The following NLGN1 variants were observed in gnomAD, a reference collection of about 807,000 sequenced individuals.
The protein encoded by NLGN1 is neuroligin 1, also known as neuroligin-1.
A neutral mutation model predicts 65.5 loss-of-function variants in NLGN1; 12 were observed. That is an observed-to-expected ratio of 0.18 (90% CI 0.12 to 0.30). The LOEUF is 0.30. Among genes scored for constraint, NLGN1 ranks in the 10% least tolerant of loss-of-function variants. The pLI is 1.00. For missense variants in NLGN1, 750 were observed against 1,007.1 expected (o/e 0.74, Z 3.46); for synonymous variants, 350 against 359.5 (o/e 0.97, Z 0.30).
At chr3:173,713,083 A>G (rs181822636) in intron 3 of NLGN1, among the ~76,000 whole-genome samples, 2 of 152,276 alleles carry the variant, frequency 1.3e-5, no homozygotes, top group African/African-American at 4.8e-5. Flanking sequence ...ATTACTTTAA[A>G]CAAGGTTGCA....
intron 4 of NLGN1, among the ~76,000 whole-genome samples, chr3:174,066,903 T>C (rs1242500234): frequency 6.6e-6 from 1 of 152,094 alleles, no homozygotes; most frequent in Non-Finnish European, 1.5e-5. Flanking sequence ...CTTCAAATAT[T>C]CTCAATGAAA....
At chr3:173,643,102 C>A (rs1757670622) in intron 3 of NLGN1, among the ~76,000 whole-genome samples, 2 of 152,062 alleles carry the variant, frequency 1.3e-5, no homozygotes, top group African/African-American at 4.8e-5. Flanking sequence ...TTTGAAGACA[C>A]AGCAATAGAA....
chr3:173,964,576 G>T (rs1714371569), intron 4 of NLGN1, among the ~76,000 whole-genome samples: 1 of 152,122 alleles, frequency 6.6e-6, no homozygotes, highest in Non-Finnish European at 1.5e-5. Flanking sequence ...CCTGAGTATT[G>T]AATTCACCTT....
intron 2 of NLGN1, among the ~76,000 whole-genome samples, chr3:173,545,736 CAT>C (rs1169722397): frequency 6.6e-6 from 1 of 152,134 alleles, no homozygotes; most frequent in Non-Finnish European, 1.5e-5. Flanking sequence ...AAATGTGGCA[CAT>C]ATACACCGTG....
At chr3:173,606,907 TTTAA>T (rs1418322580) in intron 3 of NLGN1, among the ~76,000 whole-genome samples, 2 of 151,988 alleles carry the variant, frequency 1.3e-5, no homozygotes, top group Non-Finnish European at 2.9e-5. Context: ...TTTACATACC[TTTAA>T]TTAATGTACA....
Position 173,578,443 on chromosome 3 carries a change from T to G in NLGN1, c.-320-25836T>G, listed in dbSNP as rs1038652911. Among the ~76,000 whole-genome samples, 7 of 152,270 alleles carry G rather than the reference T, an allele frequency of 4.6e-5. No homozygotes were observed. In the Middle Eastern group the frequency reaches 0.01, roughly 222 times the overall value. ...AAAAAAAGAGTACCCAACTCTTGTC[T>G]GTGAAGTCAATGAGATGTCAATACC... On this transcript the variant is annotated intron_variant, in intron 2 of 6. Transcript: ENST00000457714.
intron 4 of NLGN1, among the ~76,000 whole-genome samples, chr3:174,236,077 C>T (rs932704900): frequency 1.3e-5 from 2 of 152,096 alleles, no homozygotes; most frequent in African/African-American, 2.4e-5. Context: ...AGTGGGTCCT[C>T]AATAAATATC....
chr3:173,704,233 A>G (rs1046256925), intron 3 of NLGN1, among the ~76,000 whole-genome samples: 4 of 152,204 alleles, frequency 2.6e-5, no homozygotes, highest in African/African-American at 7.2e-5. Flanking sequence ...AATGTCTGAC[A>G]CTGTCCCCAA....
At chr3:173,516,362 A>G (rs1733814084) in intron 2 of NLGN1, among the ~76,000 whole-genome samples, 1 of 152,028 alleles carries the variant, frequency 6.6e-6, no homozygotes, top group Admixed American at 6.5e-5. Context: ...TACTGTCTTC[A>G]TATCTCCATC....
chr3:174,211,455 T>C (rs1188181180), intron 4 of NLGN1, among the ~76,000 whole-genome samples: 1 of 151,582 alleles, frequency 6.6e-6, no homozygotes, highest in Non-Finnish European at 1.5e-5. Context: ...AGATACAGAG[T>C]GTCGGTTGTT....
At chr3:173,886,843 T>C (rs1734426384) in intron 4 of NLGN1, among the ~76,000 whole-genome samples, 1 of 152,030 alleles carries the variant, frequency 6.6e-6, no homozygotes, top group Admixed American at 6.6e-5. Context: ...AACCCACCAC[T>C]TGTCTTTGTA....
chr3:174,047,610 T>G (rs1733904916), intron 4 of NLGN1, among the ~76,000 whole-genome samples: 1 of 151,986 alleles, frequency 6.6e-6, no homozygotes, highest in Non-Finnish European at 1.5e-5. Context: ...CATGCACAGA[T>G]GCATATAAGC....
chr3:174,116,330 C>CTTTTTTTTTTTTTTTTTTTTTT lies in NLGN1; in HGVS notation c.647-158979_647-158958dup, dbSNP rs1168837585. Among the ~76,000 whole-genome samples, 26 of 69,634 alleles carry CTTTTTTTTTTTTTTTTTTTTTT rather than the reference C, an allele frequency of 3.7e-4. 13 individuals carry two copies. Among genetic ancestry groups the CTTTTTTTTTTTTTTTTTTTTTT allele is most frequent in the African/African-American group, 2.9e-4 (6 of 20,740 alleles). The allele number at this position is 69,634 out of a possible 152,430, so 45.7% of individuals were successfully genotyped here. On this transcript the variant is annotated intron_variant, in intron 4 of 6. Coordinates refer to ENST00000457714, the Ensembl canonical transcript of NLGN1. ...ACATGTAAGTTTTTTTCTGGGTTTT[C>CTTTTTTTTTTTTTTTTTTTTTT]TTTTTTTTTTTTTTTTTTTTTTTTT...
chr3:173,700,552 C>T (rs1257001083), intron 3 of NLGN1, among the ~76,000 whole-genome samples: 1 of 151,796 alleles, frequency 6.6e-6, no homozygotes, highest in African/African-American at 2.4e-5. Context: ...ACTTCTGTTA[C>T]ATTTTCATGG....
intron 4 of NLGN1, among the ~76,000 whole-genome samples, chr3:173,938,113 G>A (rs916461277): frequency 1.3e-5 from 2 of 152,090 alleles, no homozygotes; most frequent in African/African-American, 4.8e-5. Context: ...TTTTCTTCAA[G>A]GAGCTCACTT....
chr3:173,596,699 A>G (rs1273804741), intron 2 of NLGN1, among the ~76,000 whole-genome samples: 2 of 152,196 alleles, frequency 1.3e-5, no homozygotes, highest in Non-Finnish European at 2.9e-5. Context: ...GCCTTATGTT[A>G]ATATGGTCAT....
At chr3:173,872,685 T>G (rs1731395974) in intron 4 of NLGN1, among the ~76,000 whole-genome samples, 1 of 152,178 alleles carries the variant, frequency 6.6e-6, no homozygotes, top group Non-Finnish European at 1.5e-5. Context: ...ATGACAGATT[T>G]TCTTTCCCAC....
chr3:173,980,599 G>T (rs907343115), intron 4 of NLGN1, among the ~76,000 whole-genome samples: 1 of 151,694 alleles, frequency 6.6e-6, no homozygotes, highest in Non-Finnish European at 1.5e-5. Flanking sequence ...CCTATGAGTG[G>T]GATTACTGAT....
intron 4 of NLGN1, among the ~76,000 whole-genome samples, chr3:173,859,504 A>G (rs1728659990): frequency 6.6e-6 from 1 of 152,088 alleles, no homozygotes; most frequent in Non-Finnish European, 1.5e-5. Flanking sequence ...AAATATTTGT[A>G]AGGGCCCTAT....
Sources: allele counts gnomAD v4.1 joint callset (sites outside exome capture counted in the v4.1 genomes callset), GRCh38; gene constraint gnomAD v4.1.1; transcripts MANE v1.5; gene names NCBI Gene and HGNC (gene_info 2026-07-23, HGNC 2026-07-21).